The following CCDC7 variants were observed in gnomAD, a reference collection of about 807,000 sequenced individuals.
CCDC7 encodes coiled-coil domain-containing protein 7.
Under a neutral mutation model 196.9 loss-of-function variants are expected in CCDC7, and 183 were observed. That is an observed-to-expected ratio of 0.93 (90% confidence interval 0.82 to 1.05). The LOEUF (loss-of-function observed/expected upper bound fraction) is 1.05. Ranked by LOEUF, CCDC7 falls within the 50% of genes least tolerant of loss-of-function variation. The pLI is 0.00. For synonymous variants in CCDC7, 525 were observed against 484.6 expected (o/e 1.08, Z -1.10); for missense variants, 1,540 against 1,482.2 (o/e 1.04, Z -0.64).
At chr10:32,711,458 C>G (rs1271153203) in intron 24 of CCDC7, among the ~76,000 whole-genome samples, 162 bp from the exon 26 acceptor site, 1 of 152,048 alleles carries the variant, frequency 6.6e-6, no homozygotes, top group Non-Finnish European at 1.5e-5. Flanking sequence ...TACATTGAAA[C>G]TTTTCTCACC....
intron 28 of CCDC7, among the ~76,000 whole-genome samples, chr10:32,752,126 C>T (rs2075758883): frequency 6.6e-6 from 1 of 152,036 alleles, no homozygotes; most frequent in Admixed American, 6.6e-5. Context: ...TAGGAAAAAC[C>T]CTATACCATT....
At chr10:32,831,362 A>G (rs971456972) in intron 32 of CCDC7, among the ~76,000 whole-genome samples, 4 of 152,194 alleles carry the variant, frequency 2.6e-5, no homozygotes, top group Non-Finnish European at 5.9e-5. Flanking sequence ...ATTGTACACT[A>G]CAGTAGACTT....
chr10:32,630,105 G>C (rs2064639753), intron 18 of CCDC7, among the ~76,000 whole-genome samples: 1 of 152,054 alleles, frequency 6.6e-6, no homozygotes, highest in Non-Finnish European at 1.5e-5. Context: ...CCCTTTCTAG[G>C]AGAAATCTGA....
chr10:32,737,511 T>A (rs949291893), intron 28 of CCDC7, among the ~76,000 whole-genome samples: 1 of 152,206 alleles, frequency 6.6e-6, no homozygotes, highest in Admixed American at 6.5e-5. Context: ...TGTTTTTGAA[T>A]GGAATAATCT....
At chr10:32,691,234 C>G (rs1467346794) in intron 23 of CCDC7, among the ~76,000 whole-genome samples, 1 of 152,100 alleles carries the variant, frequency 6.6e-6, no homozygotes, top group Admixed American at 6.5e-5. Context: ...GGGAAGAGCA[C>G]TTTTATTAGT....
chr10:32,710,987 A>C (rs923223799), intron 24 of CCDC7, among the ~76,000 whole-genome samples: 1 of 152,178 alleles, frequency 6.6e-6, no homozygotes, highest in Non-Finnish European at 1.5e-5. Context: ...AGGATGTATC[A>C]GCATAGATGG....
At chr10:32,688,923 A>G (rs79529222) in intron 22 of CCDC7, 130 bp from the exon 24 acceptor site, 27 of 646,464 alleles carry the variant, frequency 4.2e-5, no homozygotes, top group Non-Finnish European at 2.5e-5. Flanking sequence ...TAGATATAGC[A>G]TTATGGTAAT....
At chr10:32,747,800 G>C (rs1292306471) in intron 28 of CCDC7, among the ~76,000 whole-genome samples, 5 of 152,170 alleles carry the variant, frequency 3.3e-5, no homozygotes, top group Non-Finnish European at 1.5e-5. Context: ...AAGCAGTTTA[G>C]AGATTGGTTC....
intron 11 of CCDC7, among the ~76,000 whole-genome samples, chr10:32,530,450 C>G (rs962834027): frequency 6.6e-6 from 1 of 152,110 alleles, no homozygotes; most frequent in African/African-American, 2.4e-5. Context: ...AACTGAAGGC[C>G]TTTTGTCCAA....
chr10:32,715,546 T>G (rs2081439294), intron 25 of CCDC7, among the ~76,000 whole-genome samples: 1 of 152,070 alleles, frequency 6.6e-6, no homozygotes, highest in South Asian at 2.1e-4. Context: ...GGAGAGAGAA[T>G]GAGTTTGACA....
At chr10:32,448,755 G>T (rs1199774904), upstream of CCDC7, among the ~76,000 whole-genome samples, 1 of 151,844 alleles carries the variant, frequency 6.6e-6, no homozygotes, top group Non-Finnish European at 1.5e-5. Context: ...ATTGAATCAT[G>T]TTTATTGTTA....
chr10:32,724,686 T>C (rs1222461156), intron 25 of CCDC7, among the ~76,000 whole-genome samples: 1 of 152,076 alleles, frequency 6.6e-6, no homozygotes, highest in East Asian at 1.9e-4. Flanking sequence ...AAAATTGTCT[T>C]CAAGGCTCCC....
chr10:32,515,595 G>C (rs946893269), intron 9 of CCDC7, among the ~76,000 whole-genome samples: 2 of 152,166 alleles, frequency 1.3e-5, no homozygotes, highest in South Asian at 2.1e-4. Context: ...TCAGGCTGGA[G>C]TGCAGTGGCA....
At chr10:32,833,252 T>C (rs867536791) in intron 32 of CCDC7, among the ~76,000 whole-genome samples, 37 of 151,940 alleles carry the variant, frequency 2.4e-4, no homozygotes, top group Admixed American at 4.6e-4. Flanking sequence ...AAGTAGATTC[T>C]AAAAATGACT....
downstream of CCDC7, among the ~76,000 whole-genome samples, chr10:32,880,289 T>C (rs1445305141): frequency 6.6e-6 from 1 of 152,202 alleles, no homozygotes; most frequent in Non-Finnish European, 1.5e-5. Context: ...GATTTGCATT[T>C]CTCTAATGAT....
At chr10:32,838,311 G>A (rs767434098) in intron 33 of CCDC7, among the ~76,000 whole-genome samples, 16 of 151,972 alleles carry the variant, frequency 1.1e-4, no homozygotes, top group Admixed American at 5.3e-4. Context: ...CTCTCTTCCT[G>A]GCTCAAGGAC....
intron 28 of CCDC7, among the ~76,000 whole-genome samples, chr10:32,740,052 A>G (rs575986537): frequency 9.2e-5 from 14 of 152,204 alleles, no homozygotes; most frequent in Admixed American, 8.5e-4. Flanking sequence ...TCAGGAGTCT[A>G]CACTTCACAG....
intron 5 of CCDC7, among the ~76,000 whole-genome samples, chr10:32,468,269 T>C (rs1275696599): frequency 6.6e-6 from 1 of 152,226 alleles, no homozygotes; most frequent in Non-Finnish European, 1.5e-5. Flanking sequence ...CTTTGAGCAG[T>C]GTTTTGTAGT....
intron 33 of CCDC7, among the ~76,000 whole-genome samples, chr10:32,838,311 G>T (rs767434098): frequency 1.3e-5 from 2 of 151,972 alleles, no homozygotes; most frequent in African/African-American, 4.8e-5. Context: ...CTCTCTTCCT[G>T]GCTCAAGGAC....
Sources: gnomAD v4.1 joint callset for allele counts (sites outside exome capture counted in the v4.1 genomes callset) on GRCh38, gnomAD v4.1.1 for gene constraint, MANE v1.5 for transcripts, NCBI Gene and HGNC (gene_info 2026-07-23, HGNC 2026-07-21) for gene names.